The following PRKCA variants were observed in gnomAD, a reference collection of about 807,000 sequenced individuals.
PRKCA encodes protein kinase C alpha, also known as protein kinase C alpha type.
PRKCA carries 27 observed loss-of-function variants against 87.0 expected under a neutral mutation model. That is an observed-to-expected ratio of 0.31 (90% CI 0.23 to 0.43). The LOEUF is 0.43. Among genes scored for constraint, PRKCA ranks in the 20% least tolerant of loss-of-function variants. The pLI is 1.00. For synonymous variants in PRKCA, 329 were observed against 311.1 expected, an observed-to-expected ratio of 1.06 and a Z score of -0.61; for missense variants, 518 against 852.3, an observed-to-expected ratio of 0.61 and a Z score of 4.88.
chr17:66,590,921 A>G (rs1026956264), intron 3 of PRKCA, among the ~76,000 whole-genome samples: 1 of 151,894 alleles, frequency 6.6e-6, no homozygotes, highest in Non-Finnish European at 1.5e-5. Context: ...CAGCCCAGGA[A>G]CCCACCGCCG....
chr17:66,651,519 C>T (rs1971590812), intron 5 of PRKCA, among the ~76,000 whole-genome samples: 1 of 152,164 alleles, frequency 6.6e-6, no homozygotes, highest in African/African-American at 2.4e-5. Flanking sequence ...GCACAGGTAC[C>T]TTTTGCAGTG....
intron 2 of PRKCA, among the ~76,000 whole-genome samples, chr17:66,438,104 A>G (rs1411316325): frequency 6.6e-6 from 1 of 152,162 alleles, no homozygotes; most frequent in Non-Finnish European, 1.5e-5. Context: ...CTCAGGCAGC[A>G]GAAGAGCTGA....
chr17:66,775,176 C>T, intron 14 of PRKCA: 1 of 963,384 alleles, frequency 1.0e-6, no homozygotes, highest in Non-Finnish European at 1.2e-6. Context: ...TGGTCAGTGC[C>T]CACCCCCACA....
intron 2 of PRKCA, among the ~76,000 whole-genome samples, chr17:66,463,969 T>C (rs1000205265): frequency 6.6e-6 from 1 of 152,202 alleles, no homozygotes; most frequent in African/African-American, 2.4e-5. Context: ...ATACAGCTAC[T>C]ATTCTAGTAT....
At position 66,556,085 on chromosome 17, in the gene PRKCA, C is replaced by T. The variant is rs535506547; in HGVS notation, c.288+59802C>T. On this transcript the variant is annotated intron_variant, in intron 3 of 16. Coordinates refer to ENST00000413366, the MANE Select transcript of PRKCA (RefSeq NM_002737.3). ...GGGCGAGCCAGCCATGGGGACTCCT[C>T]CCTGGGACTGGAGCTCTTTTTGACT... Among the ~76,000 whole-genome samples the T allele has an allele frequency of 6.5e-4, 99 of 152,090 alleles. 1 individual carries two copies. The highest frequency in any genetic ancestry group is 1.2e-3 in the Non-Finnish European group (82 of 68,022).
chr17:66,692,535 C>G (rs1427326311), intron 8 of PRKCA, among the ~76,000 whole-genome samples: 1 of 152,188 alleles, frequency 6.6e-6, no homozygotes. Context: ...GGCAGAAAGG[C>G]TGGCATCCAC....
chr17:66,682,503 C>T (rs1049121239), intron 5 of PRKCA, among the ~76,000 whole-genome samples: 1 of 152,258 alleles, frequency 6.6e-6, no homozygotes, highest in Non-Finnish European at 1.5e-5. Flanking sequence ...GCATTCTTCC[C>T]GCGTTCCCTG....
At chr17:66,790,142 G>T (rs1490482763) in intron 16 of PRKCA, among the ~76,000 whole-genome samples, 2 of 152,228 alleles carry the variant, frequency 1.3e-5, no homozygotes, top group Admixed American at 6.5e-5. Context: ...ACCTGGGGTG[G>T]CACAGTTGCC....
chr17:66,498,451 T>G (rs909028018), intron 3 of PRKCA, among the ~76,000 whole-genome samples: 9 of 152,286 alleles, frequency 5.9e-5, no homozygotes, highest in South Asian at 2.1e-4. Context: ...ATGTGAGTAG[T>G]TTGTCTGACT....
chr17:66,554,546 C>G (rs887426664), intron 3 of PRKCA: 2 of 966,162 alleles, frequency 2.1e-6, no homozygotes, highest in African/African-American at 3.5e-5. Flanking sequence ...GCTAGTCTGC[C>G]TCTACCTTTT....
intron 8 of PRKCA, among the ~76,000 whole-genome samples, chr17:66,708,206 G>A (rs528684523): frequency 1.9e-4 from 29 of 152,306 alleles, no homozygotes; most frequent in African/African-American, 2.4e-5. Context: ...TGGCTGTCGT[G>A]TCTTCAGCAC....
chr17:66,791,443 C>T (rs1024192273), intron 16 of PRKCA, among the ~76,000 whole-genome samples: 5 of 152,140 alleles, frequency 3.3e-5, no homozygotes, highest in East Asian at 1.9e-4. Context: ...GAGGGAACAA[C>T]GACAGTGAAG....
chr17:66,498,630 A>G (rs1032429684), intron 3 of PRKCA, among the ~76,000 whole-genome samples: 5 of 152,246 alleles, frequency 3.3e-5, no homozygotes, highest in African/African-American at 1.2e-4. Context: ...GAAGGCAGAC[A>G]TTAAAATATC....
intron 8 of PRKCA, among the ~76,000 whole-genome samples, chr17:66,720,232 T>C (rs1054144895): frequency 1.3e-5 from 2 of 152,174 alleles, no homozygotes; most frequent in Non-Finnish European, 2.9e-5. Flanking sequence ...GGGAGTCCCG[T>C]GCCTATCTGG....
chr17:66,515,402 G>A (rs1018582875), intron 3 of PRKCA, among the ~76,000 whole-genome samples: 2 of 151,952 alleles, frequency 1.3e-5, no homozygotes, highest in African/African-American at 4.8e-5. Flanking sequence ...TGCTCCTATT[G>A]CTGTGACTTC....
intron 2 of PRKCA, among the ~76,000 whole-genome samples, chr17:66,426,259 G>T (rs913578884): frequency 2.0e-5 from 3 of 152,100 alleles, no homozygotes; most frequent in Non-Finnish European, 4.4e-5. Context: ...GGGAAGGAAA[G>T]GTTGGCAAGA....
chr17:66,497,734 G>A (rs961059629), intron 3 of PRKCA, among the ~76,000 whole-genome samples: 2 of 152,186 alleles, frequency 1.3e-5, no homozygotes, highest in Admixed American at 1.3e-4. Context: ...TTCCCATCAG[G>A]AAACTTTAAT....
intron 5 of PRKCA, among the ~76,000 whole-genome samples, chr17:66,674,670 TG>T (rs1435825524): frequency 7.9e-5 from 12 of 152,190 alleles, no homozygotes; most frequent in African/African-American, 2.7e-4. Flanking sequence ...CTGTTTTCCA[TG>T]TTGGGAGCCT....
At chr17:66,741,528 C>A in intron 11 of PRKCA, 131 bp from the exon 12 acceptor site, 1 of 891,612 alleles carries the variant, frequency 1.1e-6, no homozygotes, top group Non-Finnish European at 1.7e-6. Context: ...GTTGGAAGAA[C>A]ACGATGCTGG....
Sources: allele counts gnomAD v4.1 joint callset (sites outside exome capture counted in the v4.1 genomes callset), GRCh38; gene constraint gnomAD v4.1.1; transcripts MANE v1.5; gene names NCBI Gene and HGNC (gene_info 2026-07-23, HGNC 2026-07-21).